The following LSAMP variants were observed in gnomAD, a reference collection of about 807,000 sequenced individuals.
LSAMP encodes the protein limbic system-associated membrane protein.
A neutral mutation model predicts 38.6 loss-of-function variants in LSAMP; 7 were observed. The observed-to-expected ratio is 0.18, with a 90% CI of 0.10 to 0.34. LSAMP has a LOEUF of 0.34. Ranked by LOEUF, LSAMP falls within the 10% of genes least tolerant of loss-of-function variation. LSAMP has a pLI of 1.00. For synonymous variants in LSAMP, 154 were observed against 166.8 expected (o/e 0.92, Z 0.59); for missense variants, 313 against 420.0 (o/e 0.75, Z 2.23).
At chr3:116,267,085 A>G (rs948916170) in intron 1 of LSAMP, among the ~76,000 whole-genome samples, 1 of 152,140 alleles carries the variant, frequency 6.6e-6, no homozygotes, top group Admixed American at 6.6e-5. Flanking sequence ...CAAAACTAAG[A>G]TCTCGTGAAA....
rs550065754 is a variant in LSAMP at position 115,991,451 on chromosome 3, C to T, written c.514+28064G>A. ...ACATATACATGTGCATGCCTGTGGA[C>T]ACACACAGCACAAACACATGTATGG... On this transcript the variant is annotated intron_variant, in intron 3 of 6. Transcript: ENST00000490035. Among the ~76,000 whole-genome samples, 28 of 152,094 alleles carry T rather than the reference C, an allele frequency of 1.8e-4. No homozygotes were observed. The South Asian group carries it at 5.4e-3, about 29-fold the overall frequency.
intron 2 of LSAMP, among the ~76,000 whole-genome samples, chr3:116,030,374 C>A (rs1940891697): frequency 2.0e-5 from 3 of 152,056 alleles, no homozygotes; most frequent in South Asian, 4.1e-4. Flanking sequence ...CAAATGGAAC[C>A]CTTCTGAGTC....
chr3:116,060,217 GCAGCATTGTAAAGGTAGCCAAATAAA>G (rs1941569237), intron 2 of LSAMP, among the ~76,000 whole-genome samples: 2 of 124,596 alleles, frequency 1.6e-5, no homozygotes, highest in Non-Finnish European at 3.0e-5. Context: ...TTTTTTACTA[GCAGCATTGTAAAGGTAGCCAAATAAA>G]TTCTGAGTAT....
At chr3:116,172,352 CT>C (rs200181227) in intron 1 of LSAMP, among the ~76,000 whole-genome samples, 14,739 of 142,490 alleles carry the variant, frequency 0.1, 1,946 homozygotes, top group African/African-American at 0.32. Flanking sequence ...TAAGGCTTTC[CT>C]TTTTTTTTTT....
chr3:115,859,107 T>C (rs1245019532), intron 3 of LSAMP, among the ~76,000 whole-genome samples: 2 of 152,200 alleles, frequency 1.3e-5, no homozygotes, highest in African/African-American at 2.4e-5. Context: ...CTCCAGATTA[T>C]TTGAGGTTTT....
chr3:116,077,037 A>C lies in LSAMP; in HGVS notation c.388+9287T>G, dbSNP rs376499564. Among the ~76,000 whole-genome samples, 7 of 151,944 alleles carry C rather than the reference A, an allele frequency of 4.6e-5. No individual in the cohort carries two copies. The East Asian group carries it at 1.2e-3, about 25-fold the overall frequency. ...TGTTAGTATTCTTAATATACTGTATATTAATACAAATTAATATATTTGTTA... is the reference window on the plus strand; with the variant it reads ...TGTTAGTATTCTTAATATACTGTATCTTAATACAAATTAATATATTTGTTA... On this transcript the variant is annotated intron_variant, in intron 2 of 6. Transcript: ENST00000490035.
At chr3:115,979,336 A>C (rs1302762393) in intron 3 of LSAMP, among the ~76,000 whole-genome samples, 2 of 152,156 alleles carry the variant, frequency 1.3e-5, no homozygotes, top group Non-Finnish European at 2.9e-5. Context: ...GCCCAGTCTA[A>C]GGGCTCTAGT....
intron 1 of LSAMP, among the ~76,000 whole-genome samples, chr3:116,235,720 CTAAG>C (rs1332143862): frequency 6.6e-6 from 1 of 152,246 alleles, no homozygotes; most frequent in South Asian, 2.1e-4. Flanking sequence ...CTGAAGCAAT[CTAAG>C]TAAGTTCAAA....
intron 2 of LSAMP, among the ~76,000 whole-genome samples, chr3:116,036,367 C>T (rs752143239): frequency 1.4e-4 from 22 of 152,056 alleles, no homozygotes; most frequent in African/African-American, 2.7e-4. Flanking sequence ...TATTTTCTGA[C>T]GAGTTATAGC....
chr3:116,375,720 CA>C lies in LSAMP; in HGVS notation c.155+69156del, dbSNP rs200106762. Among the ~76,000 whole-genome samples, 1,062 of 151,960 alleles carry C rather than the reference CA, an allele frequency of 7.0e-3. 9 individuals carry two copies. Among genetic ancestry groups the C allele is most frequent in the Non-Finnish European group, 0.012 (813 of 67,866 alleles). On this transcript the variant is annotated intron_variant, in intron 1 of 6. Coordinates refer to ENST00000490035, the MANE Select transcript of LSAMP (RefSeq NM_002338.5). ...ATTTACAGTTGAGGATCATAAAAAT[CA>C]TCCTGAAATTAAATGTTGAAAAGAA...
intron 3 of LSAMP, among the ~76,000 whole-genome samples, chr3:116,018,417 C>T (rs963059423): frequency 6.6e-6 from 1 of 152,092 alleles, no homozygotes; most frequent in Non-Finnish European, 1.5e-5. Flanking sequence ...TCCTGTTGTA[C>T]ATCCAGTCTT....
At chr3:115,883,441 C>G (rs577748296) in intron 3 of LSAMP, among the ~76,000 whole-genome samples, 1 of 152,112 alleles carries the variant, frequency 6.6e-6, no homozygotes, top group South Asian at 2.1e-4. Context: ...AGTGGTGGTC[C>G]TCAGGGAGGT....
chr3:116,232,936 C>T (rs1212586123), intron 1 of LSAMP, among the ~76,000 whole-genome samples: 1 of 151,708 alleles, frequency 6.6e-6, no homozygotes, highest in East Asian at 1.9e-4. Flanking sequence ...AATTAGCAAG[C>T]CAGGGAAATT....
chr3:116,082,806 G>C (rs535794109), intron 2 of LSAMP, among the ~76,000 whole-genome samples: 1 of 152,148 alleles, frequency 6.6e-6, no homozygotes, highest in African/African-American at 2.4e-5. Context: ...AAATACCACA[G>C]GTTCTCACTT....
intron 2 of LSAMP, among the ~76,000 whole-genome samples, chr3:116,071,211 A>G (rs962758939): frequency 2.0e-5 from 3 of 151,356 alleles, no homozygotes; most frequent in Non-Finnish European, 4.4e-5. Flanking sequence ...CACTCAGGTG[A>G]AGAAATGATG....
chr3:116,179,648 T>A (rs1212787663), intron 1 of LSAMP, among the ~76,000 whole-genome samples: 1 of 151,898 alleles, frequency 6.6e-6, no homozygotes, highest in Non-Finnish European at 1.5e-5. Context: ...GGGGAGGTGA[T>A]ACACACCTTT....
chr3:115,919,853 C>A (rs1326945983), intron 3 of LSAMP, among the ~76,000 whole-genome samples: 1 of 152,188 alleles, frequency 6.6e-6, no homozygotes, highest in Non-Finnish European at 1.5e-5. Context: ...CTCAGGTGAT[C>A]CACTCACTTT....
intron 1 of LSAMP, among the ~76,000 whole-genome samples, chr3:116,241,430 G>A (rs2046532535): frequency 6.6e-6 from 1 of 152,002 alleles, no homozygotes; most frequent in African/African-American, 2.4e-5. Flanking sequence ...AGCTGGGCTG[G>A]TGACACACGC....
chr3:116,244,656 C>G (rs1305994502), intron 1 of LSAMP, among the ~76,000 whole-genome samples: 12 of 152,156 alleles, frequency 7.9e-5, no homozygotes, highest in Non-Finnish European at 1.6e-4. Flanking sequence ...CTCTCATCAT[C>G]AGATAGTGTT....
Sources: allele counts gnomAD v4.1 joint callset (sites outside exome capture counted in the v4.1 genomes callset), GRCh38; gene constraint gnomAD v4.1.1; transcripts MANE v1.5; gene names NCBI Gene and HGNC (gene_info 2026-07-23, HGNC 2026-07-21).